The following UBE2D4 variants were observed in gnomAD, a reference collection of about 807,000 sequenced individuals.
The protein encoded by UBE2D4 is ubiquitin-conjugating enzyme E2 D4.
A neutral mutation model predicts 23.0 loss-of-function variants in UBE2D4; 17 were observed. The ratio of observed to expected loss-of-function variants is 0.74; its 90% CI spans 0.51 to 1.11. UBE2D4 has a LOEUF of 1.11. Among genes scored for constraint, UBE2D4 ranks in the 50% least tolerant of loss-of-function variants. The pLI is 0.00. For missense variants in UBE2D4, 139 were observed against 181.8 expected, an observed-to-expected ratio of 0.76 and a Z score of 1.35; for synonymous variants, 61 against 69.4, an observed-to-expected ratio of 0.88 and a Z score of 0.60.
At position 43,948,728 on chromosome 7, in the gene UBE2D4, G is replaced by A. The variant is rs758722387; in HGVS notation, c.295G>A (p.Val99Met). ...GTCTCAGTGGTCTCCAGCGTTGACT[G>A]TGTCAAAAGGTAGAGATGCTGATGG... ...LRSQWSPALTVSKVLLSICSL... is the reference protein window; with the variant it reads ...LRSQWSPALTMSKVLLSICSL... Residue 99 changes from valine (V) to methionine (M), a missense_variant, in exon 5 of 7, where the codon GTG becomes ATG. By Grantham distance (21) the Val-to-Met change is conservative (BLOSUM62 1). Transcript: ENST00000222402. The A allele has an allele frequency of 6.2e-7, 1 of 1,611,310 alleles. No individual in the cohort carries two copies. Among genetic ancestry groups the A allele is most frequent in the South Asian group, 1.1e-5 (1 of 91,014 alleles).
chr7:43,936,495 T>G (rs1163445198), intron 1 of UBE2D4, among the ~76,000 whole-genome samples: 1 of 152,106 alleles, frequency 6.6e-6, no homozygotes, highest in African/African-American at 2.4e-5. Flanking sequence ...AATAAAATAT[T>G]TATATATTTA....
intron 2 of UBE2D4, among the ~76,000 whole-genome samples, chr7:43,939,485 A>G (rs752643271): frequency 3.3e-5 from 5 of 152,200 alleles, no homozygotes; most frequent in Admixed American, 6.5e-5. Context: ...TGGGACACCA[A>G]TCCTTCCCTG....
At position 43,952,688 on chromosome 7, in the gene UBE2D4, C is replaced by A; in HGVS notation, c.437C>A (p.Ala146Asp). ...RLAREWTQKY[A>D]M ...GCAAGAGAGTGGACACAAAAATATG[C>A]TATGTAAGTGCCTTGGAGGTTTTAC... Residue 146 changes from alanine (A) to aspartate (D), a missense_variant, in exon 7 of 7, where the codon GCT becomes GAT. Physicochemically the swap from Ala to Asp is moderately radical, Grantham distance 126. Transcript: ENST00000222402. The A allele has an allele frequency of 6.2e-7, 1 of 1,613,544 alleles. No individual in the cohort carries two copies. Among genetic ancestry groups the A allele is most frequent in the Non-Finnish European group, 8.5e-7 (1 of 1,179,542 alleles).
chr7:43,942,454 C>T (rs776838358), intron 2 of UBE2D4: 37 of 399,422 alleles, frequency 9.3e-5, no homozygotes, highest in Non-Finnish European at 1.3e-4. Context: ...ATTCTGAATA[C>T]GGAGGCTCCA....
At chr7:43,946,789 T>C (rs1361130964) in intron 4 of UBE2D4, among the ~76,000 whole-genome samples, 1 of 149,070 alleles carries the variant, frequency 6.7e-6, no homozygotes, top group African/African-American at 2.4e-5. Context: ...GGCTAAATTC[T>C]GAGAAGGGGG....
At chr7:43,937,218 C>T (rs949539917) in intron 1 of UBE2D4, among the ~76,000 whole-genome samples, 1 of 152,180 alleles carries the variant, frequency 6.6e-6, no homozygotes, top group Non-Finnish European at 1.5e-5. Flanking sequence ...ATAACCTCTT[C>T]AGGATTTGCC....
intron 1 of UBE2D4, among the ~76,000 whole-genome samples, chr7:43,936,927 C>T (rs758615188): frequency 2.6e-5 from 4 of 152,162 alleles, no homozygotes; most frequent in South Asian, 2.1e-4. Context: ...CACAGGAATT[C>T]GATGTGTGAG....
chr7:43,935,234 TAA>T (rs2095955932), intron 1 of UBE2D4, among the ~76,000 whole-genome samples: 1 of 152,238 alleles, frequency 6.6e-6, no homozygotes, highest in South Asian at 2.1e-4. Context: ...TCAGAGAGGT[TAA>T]GTGACTTTCT....
At chr7:43,937,863 G>A (rs571325658) in intron 1 of UBE2D4, among the ~76,000 whole-genome samples, 2 of 82,552 alleles carry the variant, frequency 2.4e-5, no homozygotes, top group Admixed American at 1.4e-4. Context: ...TTTGGCTCAC[G>A]TGCCAGTCTC....
intron 1 of UBE2D4, among the ~76,000 whole-genome samples, chr7:43,930,302 G>A (rs2095942573): frequency 6.6e-6 from 1 of 152,180 alleles, no homozygotes; most frequent in South Asian, 2.1e-4. Flanking sequence ...GTAGCCAGCA[G>A]TATGCAAGCC....
chr7:43,942,516 G>A (rs2095975353), intron 2 of UBE2D4: 1 of 533,846 alleles, frequency 1.9e-6, no homozygotes, highest in East Asian at 3.3e-5. Flanking sequence ...AGCAATGCCA[G>A]GAGAGTAACA....
At chr7:43,932,057 C>T (rs947038386) in intron 1 of UBE2D4, among the ~76,000 whole-genome samples, 4 of 151,232 alleles carry the variant, frequency 2.6e-5, no homozygotes, top group Non-Finnish European at 4.4e-5. Context: ...GGCACGATCT[C>T]GGCTCACTGC....
rs921227331 is a variant in UBE2D4 at position 43,953,642 on chromosome 7, TAAATTAC to T, written c.*950_*956del. 1.8e-5 allele frequency: 3 copies of T among 162,948 alleles called. No homozygotes were observed. Among genetic ancestry groups the T allele is most frequent in the Non-Finnish European group, 4.1e-5 (3 of 73,784 alleles). 10.1% of individuals were successfully genotyped at this position (162,948 alleles called of 1,614,324 possible). A position where few individuals can be genotyped will look rare whatever the true frequency, so the allele number is the denominator to read the frequency against. On this transcript the variant is annotated 3_prime_UTR_variant, in exon 7 of 7. Coordinates refer to ENST00000222402, the MANE Select transcript of UBE2D4 (RefSeq NM_015983.4). Reference sequence around the variant, plus strand: ...CACTATTAACAGTTATTTGAAGCCTTAAATTACAATAGCCTGTTAGGTGATCGGCTTT... The same window carrying T: ...CACTATTAACAGTTATTTGAAGCCTTAATAGCCTGTTAGGTGATCGGCTTT...
intron 6 of UBE2D4, 23 bp from the exon 7 acceptor site, chr7:43,952,627 C>T: frequency 6.2e-7 from 1 of 1,611,340 alleles, no homozygotes; most frequent in South Asian, 1.1e-5. Context: ...GAGGGTGTCA[C>T]TTCCTCTGCT....
At chr7:43,950,530 G>A in intron 5 of UBE2D4, 69 bp from the exon 6 acceptor site, 1 of 1,221,516 alleles carries the variant, frequency 8.2e-7, no homozygotes, top group Non-Finnish European at 1.2e-6. Flanking sequence ...GCAAGTTCAG[G>A]GAAGTTTACC....
intron 4 of UBE2D4, among the ~76,000 whole-genome samples, chr7:43,948,244 G>A (rs1305699556): frequency 6.6e-6 from 1 of 152,178 alleles, no homozygotes; most frequent in Non-Finnish European, 1.5e-5. Flanking sequence ...TGCTTTTGGT[G>A]TTTTAGTCAT....
intron 4 of UBE2D4, among the ~76,000 whole-genome samples, chr7:43,945,887 A>G (rs112334143): frequency 0.011 from 1,695 of 149,728 alleles, 27 homozygotes; most frequent in African/African-American, 0.039. Context: ...GATTCAAGCA[A>G]TTCTCCTGCC....
chr7:43,932,556 G>A (rs921574229), intron 1 of UBE2D4, among the ~76,000 whole-genome samples: 9 of 152,180 alleles, frequency 5.9e-5, no homozygotes, highest in African/African-American at 1.9e-4. Context: ...ACTTTGGGAG[G>A]CCGAGGTGGA....
At chr7:43,945,785 T>C (rs1483965264) in intron 4 of UBE2D4, among the ~76,000 whole-genome samples, 1 of 141,654 alleles carries the variant, frequency 7.1e-6, no homozygotes, top group Non-Finnish European at 1.5e-5. Flanking sequence ...CCTTTTTTTT[T>C]TTTTTTTTTT....
Sources: allele counts gnomAD v4.1 joint callset (sites outside exome capture counted in the v4.1 genomes callset), GRCh38; gene constraint gnomAD v4.1.1; transcripts MANE v1.5; gene names NCBI Gene and HGNC (gene_info 2026-07-23, HGNC 2026-07-21).